Variants in PIEZO2 observed in about 807,000 individuals in gnomAD.
PIEZO2 encodes the protein piezo type mechanosensitive ion channel component 2, also known as piezo-type mechanosensitive ion channel component 2.
Under a neutral mutation model 337.3 loss-of-function variants are expected in PIEZO2, and 172 were observed. The observed-to-expected ratio is 0.51, with a 90% CI of 0.45 to 0.58. PIEZO2 has a LOEUF of 0.58. Among genes scored for constraint, PIEZO2 ranks in the 20% least tolerant of loss-of-function variants. PIEZO2 has a pLI of 0.00. For missense variants in PIEZO2, 3,028 were observed against 3,391.3 expected, an observed-to-expected ratio of 0.89 and a Z score of 2.66; for synonymous variants, 1,251 against 1,228.5, an observed-to-expected ratio of 1.02 and a Z score of -0.38.
At chr18:10,981,996 C>T (rs148932625) in intron 2 of PIEZO2, among the ~76,000 whole-genome samples, 1 of 152,260 alleles carries the variant, frequency 6.6e-6, no homozygotes, top group East Asian at 1.9e-4. Context: ...GACTTCCTTC[C>T]TCCAAGCCCA....
intron 13 of PIEZO2, among the ~76,000 whole-genome samples, chr18:10,793,216 G>A (rs921555964): frequency 3.3e-5 from 5 of 151,848 alleles, no homozygotes; most frequent in African/African-American, 7.3e-5. Context: ...CCGAGATTGC[G>A]CCACTGCCCT....
chr18:10,753,165 T>C (rs1384417973), intron 27 of PIEZO2, among the ~76,000 whole-genome samples: 2 of 152,226 alleles, frequency 1.3e-5, no homozygotes, highest in East Asian at 3.8e-4. Flanking sequence ...AAATTCTCCT[T>C]TCTGTTTCTA....
intron 42 of PIEZO2, among the ~76,000 whole-genome samples, chr18:10,703,976 C>T (rs1439131499): frequency 1.3e-5 from 2 of 152,122 alleles, no homozygotes; most frequent in East Asian, 1.9e-4. Context: ...TTCACTGAAC[C>T]CCCGGTGGCG....
In PIEZO2 at chr18:11,078,806, A is replaced by G. The variant is rs1466504915; in HGVS notation, c.65-12584T>C. Reference sequence around the variant, plus strand: ...TGCCAGATCTCTTCAGTCTCTACCTACTCAGAGTATTTGGCCTTACATTTC... The same window carrying G: ...TGCCAGATCTCTTCAGTCTCTACCTGCTCAGAGTATTTGGCCTTACATTTC... On this transcript the variant is annotated intron_variant, in intron 1 of 55. Transcript: ENST00000674853. The surrounding 1 kb of genome is among the most constrained non-coding windows in gnomAD (Gnocchi z 5.3). 6.6e-6 allele frequency among the ~76,000 whole-genome samples: 1 copy of G among 152,122 alleles called. No individual in the cohort carries two copies. Among genetic ancestry groups the G allele is most frequent in the African/African-American group, 2.4e-5 (1 of 41,444 alleles).
At position 10,767,723 on chromosome 18, in the gene PIEZO2, G is replaced by A. The variant is rs1189880706; in HGVS notation, c.2946+2425C>T. ...GAGGGTGGCCCCTGGTCCTGATGGG[G>A]AGGCACAGAGCACCCAGAGCTGCTC... On this transcript the variant is annotated intron_variant, in intron 21 of 55. Transcript: ENST00000674853. The surrounding 1 kb of genome is among the most constrained non-coding windows in gnomAD (Gnocchi z 4.2). Among the ~76,000 whole-genome samples the A allele has an allele frequency of 6.6e-6, 1 of 152,112 alleles. No individual in the cohort carries two copies. Among genetic ancestry groups the A allele is most frequent in the Non-Finnish European group, 1.5e-5 (1 of 68,008 alleles).
intron 2 of PIEZO2, among the ~76,000 whole-genome samples, chr18:11,034,925 A>G (rs1469774273): frequency 1.3e-5 from 2 of 152,196 alleles, no homozygotes; most frequent in African/African-American, 4.8e-5. Flanking sequence ...ATTGTGTATC[A>G]TGTGTTCACC....
At chr18:10,933,470 T>C (rs1024881778) in intron 3 of PIEZO2, among the ~76,000 whole-genome samples, 1 of 152,214 alleles carries the variant, frequency 6.6e-6, no homozygotes, top group Non-Finnish European at 1.5e-5. Context: ...GAGTTAATTA[T>C]GTGTCCCTTA....
At chr18:11,045,509 G>A (rs903457553) in intron 2 of PIEZO2, among the ~76,000 whole-genome samples, 5 of 151,994 alleles carry the variant, frequency 3.3e-5, no homozygotes, top group Non-Finnish European at 5.9e-5. Context: ...ATTTTAAACC[G>A]TGAAATCACA....
intron 3 of PIEZO2, among the ~76,000 whole-genome samples, chr18:10,928,119 C>T (rs187666158): frequency 7.9e-5 from 12 of 152,236 alleles, no homozygotes; most frequent in Admixed American, 5.9e-4. Context: ...GGCTCATACA[C>T]GCCATTAGGA....
At chr18:11,010,059 A>T (rs140010755) in intron 2 of PIEZO2, among the ~76,000 whole-genome samples, 1 of 152,222 alleles carries the variant, frequency 6.6e-6, no homozygotes, top group Non-Finnish European at 1.5e-5. Flanking sequence ...GCATGAAAAG[A>T]AAAGCAGAAC....
chr18:10,683,426 C>A (rs2034366539), intron 49 of PIEZO2, among the ~76,000 whole-genome samples: 1 of 152,186 alleles, frequency 6.6e-6, no homozygotes, highest in Non-Finnish European at 1.5e-5. Flanking sequence ...AGGCAATGCA[C>A]CCTATGGATC....
chr18:10,725,814 C>G (rs1336584604), intron 36 of PIEZO2, among the ~76,000 whole-genome samples: 2 of 152,198 alleles, frequency 1.3e-5, no homozygotes, highest in African/African-American at 4.8e-5. Flanking sequence ...CGCGGGCCCT[C>G]CAGGGTGGAT....
intron 2 of PIEZO2, among the ~76,000 whole-genome samples, chr18:11,020,849 A>C (rs2036284688): frequency 1.3e-5 from 2 of 152,212 alleles, no homozygotes. Context: ...CTGTTCTGCT[A>C]CTGTGCTCTT....
In PIEZO2 at chr18:10,857,028, C is replaced by T. The variant is rs1278221369; in HGVS notation, c.676G>A (p.Val226Ile). 8.5e-6 allele frequency: 13 copies of T among 1,537,186 alleles called. No homozygotes were observed. In the East Asian group the frequency reaches 1.5e-4, roughly 17 times the overall value. Residue 226 changes from valine (V) to isoleucine (I), a missense_variant, in exon 6 of 56, where the codon GTT becomes ATT. Coordinates refer to ENST00000674853, the MANE Select transcript of PIEZO2 (RefSeq NM_001378183.1). Reference sequence around the variant, plus strand: ...GAGGAGCCCAGTAAGATGGTAACAACGACTTTCCCAGCAGTGGTGATCATG... The same window carrying T: ...GAGGAGCCCAGTAAGATGGTAACAATGACTTTCCCAGCAGTGGTGATCATG... Reference protein sequence around the residue: ...GNMITTAGKVVVTILLGSSGM... With the variant: ...GNMITTAGKVIVTILLGSSGM...
At chr18:10,699,199 C>T (rs1383162371) in intron 43 of PIEZO2, 22 bp from the exon 44 acceptor site, 1 of 1,536,986 alleles carries the variant, frequency 6.5e-7, no homozygotes, top group Admixed American at 2.0e-5. Flanking sequence ...GGGACAGGGA[C>T]AAATGAGGCT....
chr18:10,952,789 G>T lies in PIEZO2; in HGVS notation c.286+26746C>A, dbSNP rs1211236387. The stretch of plus-strand genomic sequence containing the variant: ...TATTTTTCAAAGTGTCTATATAATT[G>T]TACATTCCCGCCAGAAATGTATTTG... On this transcript the variant is annotated intron_variant, in intron 3 of 55. Coordinates refer to ENST00000674853, the MANE Select transcript of PIEZO2 (RefSeq NM_001378183.1). This position sits in a 1 kb window ranked among gnomAD's most constrained non-coding sequence, Gnocchi z 4.1. Among the ~76,000 whole-genome samples the T allele has an allele frequency of 6.6e-6, 1 of 151,960 alleles. No homozygotes were observed. The highest frequency in any genetic ancestry group is 2.4e-5 in the African/African-American group (1 of 41,364).
Position 10,951,651 on chromosome 18 carries a change from C to T in PIEZO2, c.286+27884G>A, listed in dbSNP as rs563001498. 4.6e-5 allele frequency among the ~76,000 whole-genome samples: 7 copies of T among 152,316 alleles called. No homozygotes were observed. In the South Asian group the frequency reaches 1.5e-3, roughly 32 times the overall value. Reference sequence around the variant, plus strand: ...AAGTTCTTGGATTACTTTCCAAGGTCCACCCCTGGAGGAGAACTTTAATCA... The same window carrying T: ...AAGTTCTTGGATTACTTTCCAAGGTTCACCCCTGGAGGAGAACTTTAATCA... On this transcript the variant is annotated intron_variant, in intron 3 of 55. Transcript: ENST00000674853.
At chr18:10,733,425 G>T (rs576973766) in intron 35 of PIEZO2, among the ~76,000 whole-genome samples, 119 of 151,152 alleles carry the variant, frequency 7.9e-4, no homozygotes, top group Non-Finnish European at 1.2e-3. Context: ...TCAAGAAATG[G>T]AAGGCTCTTA....
chr18:11,010,581 G>A (rs895552856), intron 2 of PIEZO2, among the ~76,000 whole-genome samples: 7 of 152,144 alleles, frequency 4.6e-5, no homozygotes, highest in Admixed American at 3.9e-4. Context: ...TACTGGTTAA[G>A]CTCCTTATTT....
Sources: allele counts gnomAD v4.1 joint callset (sites outside exome capture counted in the v4.1 genomes callset), GRCh38; gene constraint gnomAD v4.1.1; non-coding constraint Gnocchi (gnomAD v3.1); transcripts MANE v1.5; gene names NCBI Gene and HGNC (gene_info 2026-07-23, HGNC 2026-07-21).